The following SEC31A variants were observed in gnomAD, a reference collection of about 807,000 sequenced individuals.
SEC31A encodes the protein protein transport protein Sec31A.
SEC31A carries 70 observed loss-of-function variants against 151.0 expected under a neutral mutation model. The observed-to-expected ratio is 0.46, with a 90% CI of 0.38 to 0.57. The LOEUF (loss-of-function observed/expected upper bound fraction) is 0.57. Ranked by LOEUF, SEC31A falls within the 20% of genes least tolerant of loss-of-function variation. The probability of loss-of-function intolerance (pLI) is 0.00; values close to 1 mark genes in which losing one functional copy is unlikely to be tolerated. For missense variants in SEC31A, 1,330 were observed against 1,471.2 expected (o/e 0.90, Z 1.57); for synonymous variants, 475 against 505.9 (o/e 0.94, Z 0.82).
chr4:82,861,856 T>C lies in SEC31A; in HGVS notation c.1549-148A>G, dbSNP rs987128748. On this transcript the variant is annotated intron_variant, in intron 13 of 26. Coordinates refer to ENST00000395310, the MANE Select transcript of SEC31A (RefSeq NM_001077207.4). ...ACAGTGAGTAAATTTATTTGAGAAA[T>C]ACCATTAGAGGAAAAGCAAAGAACT... 9 of 380,856 alleles carry C rather than the reference T, an allele frequency of 2.4e-5. No homozygotes were observed. In the East Asian group the frequency reaches 3.8e-4, roughly 16 times the overall value. 23.6% of individuals were successfully genotyped at this position (380,856 alleles called of 1,614,324 possible).
At position 82,863,306 on chromosome 4, in the gene SEC31A, C is replaced by T. The variant is rs1189049340; in HGVS notation, c.1509+12G>A. On this transcript the variant is annotated intron_variant, in intron 12 of 26. Transcript: ENST00000395310. ...ATAAAGAGCATGCCATCTAACTTTC[C>T]CAAAAGTTTACCTTCTTTCCTAGAT... 25 of 1,522,556 alleles carry T rather than the reference C, an allele frequency of 1.6e-5. No homozygotes were observed. Among genetic ancestry groups the T allele is most frequent in the Non-Finnish European group, 2.2e-5 (25 of 1,116,034 alleles). The allele number at this position is 1,522,556 out of a possible 1,614,324, so 94.3% of individuals were successfully genotyped here. A position where few individuals can be genotyped will look rare whatever the true frequency, so the allele number is the denominator to read the frequency against.
At chr4:82,874,203 CAGG>C (rs1737412185) in intron 6 of SEC31A, among the ~76,000 whole-genome samples, 2 of 151,506 alleles carry the variant, frequency 1.3e-5, no homozygotes, top group African/African-American at 4.9e-5. Context: ...AAGGCTGGGG[CAGG>C]AGAAGTGCTT....
upstream of SEC31A, chr4:82,895,781 C>T (rs1014046044): frequency 5.3e-5 from 8 of 152,216 alleles, 1 homozygote; most frequent in South Asian, 6.2e-4. Context: ...ATTCCTAAAA[C>T]GAAAAACATT....
intron 22 of SEC31A, among the ~76,000 whole-genome samples, chr4:82,830,274 A>C (rs1467186070): frequency 6.6e-6 from 1 of 152,204 alleles, no homozygotes; most frequent in Non-Finnish European, 1.5e-5. Flanking sequence ...CAGCCTGGCC[A>C]ACATGGGGAA....
At chr4:82,881,612 T>C (rs1739350037) in intron 2 of SEC31A, among the ~76,000 whole-genome samples, 1 of 152,214 alleles carries the variant, frequency 6.6e-6, no homozygotes, top group African/African-American at 2.4e-5. Context: ...CCATCTATTG[T>C]GCTTAATACT....
intron 6 of SEC31A, among the ~76,000 whole-genome samples, chr4:82,872,808 C>T (rs1382930310): frequency 6.6e-6 from 1 of 152,082 alleles, no homozygotes; most frequent in Non-Finnish European, 1.5e-5. Context: ...CAGGTTCAAG[C>T]GATTCTCCCG....
rs1405947632 is a variant in SEC31A at position 82,851,491 on chromosome 4, C to A, written c.2268G>T (p.Leu756Phe). The change falls in exon 19 of 27, where the codon TTG (leucine) becomes TTT (phenylalanine). Residue 756 changes from leucine (L) to phenylalanine (F), a missense_variant. Coordinates refer to ENST00000395310, the MANE Select transcript of SEC31A (RefSeq NM_001077207.4). ...LAAKMSQYAN[L>F]LAAQGSIAAA... The stretch of plus-strand genomic sequence containing the variant: ...CAGCAATACTGCCCTGAGCTGCCAA[C>A]AAATTGGCATACTGACTCATCTTCG... 6 of 1,614,086 alleles carry A rather than the reference C, an allele frequency of 3.7e-6. No homozygotes were observed. The highest frequency in any genetic ancestry group is 5.1e-6 in the Non-Finnish European group (6 of 1,179,956).
upstream of SEC31A, chr4:82,893,859 G>A (rs140826090): frequency 6.6e-6 from 1 of 152,332 alleles, no homozygotes; most frequent in East Asian, 1.9e-4. Context: ...AGAGTTCTGG[G>A]AATTTATCTA....
At chr4:82,849,628 A>AC (rs1006076706) in intron 19 of SEC31A, among the ~76,000 whole-genome samples, 2 of 151,410 alleles carry the variant, frequency 1.3e-5, no homozygotes, top group African/African-American at 4.8e-5. Flanking sequence ...AAAAAAAAAA[A>AC]AAACTATAAC....
At chr4:82,831,735 C>T (rs1578139165) in intron 22 of SEC31A, among the ~76,000 whole-genome samples, 2 of 152,114 alleles carry the variant, frequency 1.3e-5, no homozygotes, top group African/African-American at 4.8e-5. Context: ...GAGAATAGGC[C>T]CAGCAAATAA....
chr4:82,849,252 A>T (rs1194046847), intron 19 of SEC31A, among the ~76,000 whole-genome samples: 1 of 152,132 alleles, frequency 6.6e-6, no homozygotes, highest in Non-Finnish European at 1.5e-5. Flanking sequence ...GACCAATATC[A>T]CTTATTACTA....
intron 1 of SEC31A, among the ~76,000 whole-genome samples, chr4:82,883,949 G>T (rs1266008086): frequency 6.8e-6 from 1 of 147,530 alleles, no homozygotes. Flanking sequence ...CATCTCTTCT[G>T]TCTAGTCATG....
At chr4:82,830,495 A>G (rs537624450) in intron 22 of SEC31A, among the ~76,000 whole-genome samples, 1 of 152,320 alleles carries the variant, frequency 6.6e-6, no homozygotes, top group East Asian at 1.9e-4. Flanking sequence ...AAATAAAAAC[A>G]GAATTCATTT....
intron 22 of SEC31A, 104 bp from the exon 23 acceptor site, chr4:82,829,162 A>G: frequency 3.3e-6 from 3 of 898,120 alleles, no homozygotes; most frequent in Non-Finnish European, 5.4e-6. Context: ...TAACCCTGAA[A>G]TAACTGTCAC....
At chr4:82,851,352 T>A in intron 19 of SEC31A, 79 bp downstream of exon 19, 1 of 1,132,916 alleles carries the variant, frequency 8.8e-7, no homozygotes, top group African/African-American at 1.6e-5. Context: ...TACCTACTAA[T>A]ATGTTTACAT....
intron 16 of SEC31A, 134 bp downstream of exon 16, chr4:82,856,818 C>A: frequency 1.4e-6 from 1 of 728,692 alleles, no homozygotes. Flanking sequence ...ACAACTATTT[C>A]CAGGTCAAGG....
chr4:82,891,714 G>A (rs1359295802), upstream of SEC31A, among the ~76,000 whole-genome samples: 1 of 53,640 alleles, frequency 1.9e-5, no homozygotes, highest in Non-Finnish European at 4.8e-5. Flanking sequence ...AAGAGGTATA[G>A]ATGGGGTGTT....
chr4:82,897,067 G>C (rs1313762864), intron 3 of SEC31A, among the ~76,000 whole-genome samples: 5 of 152,130 alleles, frequency 3.3e-5, no homozygotes, highest in Non-Finnish European at 5.9e-5. Flanking sequence ...GAGTCTTCTT[G>C]TTTTCCTTTC....
At chr4:82,848,523 T>C (rs1578215280) in intron 20 of SEC31A, among the ~76,000 whole-genome samples, 1 of 152,184 alleles carries the variant, frequency 6.6e-6, no homozygotes, top group Admixed American at 6.5e-5. Context: ...TAGATGTACA[T>C]GTTTAAGTGA....
Sources: allele counts gnomAD v4.1 joint callset (sites outside exome capture counted in the v4.1 genomes callset), GRCh38; gene constraint gnomAD v4.1.1; transcripts MANE v1.5; gene names NCBI Gene and HGNC (gene_info 2026-07-23, HGNC 2026-07-21).